CDK5RAP2: variants seen among roughly 807,000 people sequenced by gnomAD.
CDK5RAP2 encodes the protein CDK5 regulatory subunit-associated protein 2.
In CDK5RAP2, 147 loss-of-function variants were observed where a neutral mutation model predicts 232.9. The ratio of observed to expected loss-of-function variants is 0.63; its 90% CI spans 0.55 to 0.72. The LOEUF (loss-of-function observed/expected upper bound fraction) is 0.72. CDK5RAP2 is among the 30% of genes least tolerant of loss of function. CDK5RAP2 has a pLI of 0.00. For synonymous variants in CDK5RAP2, 833 were observed against 833.7 expected, an observed-to-expected ratio of 1.00 and a Z score of 0.01; for missense variants, 2,195 against 2,231.5, an observed-to-expected ratio of 0.98 and a Z score of 0.33.
Position 120,404,888 on chromosome 9 carries a change from C to CATATA in CDK5RAP2, c.4964-776_4964-775insTATAT, listed in dbSNP as rs574929956. On this transcript the variant is annotated intron_variant, in intron 32 of 37. Coordinates refer to ENST00000349780, the MANE Select transcript of CDK5RAP2 (RefSeq NM_018249.6). ...CGTTATAATTTGGAAAGCACTTTCACATATGAAAAGCTATTGGACTCAATA... is the reference window on the plus strand; with the variant it reads ...CGTTATAATTTGGAAAGCACTTTCACATATAATATGAAAAGCTATTGGACTCAATA... Among the ~76,000 whole-genome samples the CATATA allele has an allele frequency of 1.7e-3, 259 of 152,328 alleles. 1 individual carries two copies. Among genetic ancestry groups the CATATA allele is most frequent in the Middle Eastern group, 0.01 (3 of 294 alleles).
chr9:120,472,224 G>A (rs960152907), intron 15 of CDK5RAP2, among the ~76,000 whole-genome samples: 1 of 152,074 alleles, frequency 6.6e-6, no homozygotes, highest in African/African-American at 2.4e-5. Context: ...CATTTTTAAT[G>A]ACTATATAAT....
chr9:120,494,270 ACAC>A (rs1350592972), intron 12 of CDK5RAP2, among the ~76,000 whole-genome samples: 1 of 152,170 alleles, frequency 6.6e-6, no homozygotes, highest in Non-Finnish European at 1.5e-5. Context: ...AGAGGCAATA[ACAC>A]TCCAGTAGTA....
intron 18 of CDK5RAP2, chr9:120,460,878 A>C (rs2037051174): frequency 5.5e-6 from 4 of 732,452 alleles, no homozygotes; most frequent in Non-Finnish European, 8.6e-6. Flanking sequence ...GCCTGGATCA[A>C]GCATAATTTA....
At chr9:120,496,135 G>A (rs71398940) in intron 12 of CDK5RAP2, among the ~76,000 whole-genome samples, 6 of 100,978 alleles carry the variant, frequency 5.9e-5, no homozygotes, top group Admixed American at 1.7e-4. Flanking sequence ...CCGGCCAGCC[G>A]CCCCGTCCGG....
In CDK5RAP2 at chr9:120,486,976, C is replaced by A. The variant is rs73660260; in HGVS notation, c.1626+318G>T. Among the ~76,000 whole-genome samples the A allele has an allele frequency of 5.0e-3, 761 of 152,208 alleles. 9 individuals carry two copies. Among genetic ancestry groups the A allele is most frequent in the African/African-American group, 0.018 (731 of 41,514 alleles). On this transcript the variant is annotated intron_variant, in intron 14 of 37. Transcript: ENST00000349780. ...GAAGGGCCTGCTGTGCCATTTTCTG[C>A]GTGAATTTAAATAGGAACACTTACG...
intron 18 of CDK5RAP2, among the ~76,000 whole-genome samples, chr9:120,461,937 T>C (rs2037114752): frequency 6.6e-6 from 1 of 152,248 alleles, no homozygotes; most frequent in African/African-American, 2.4e-5. Flanking sequence ...GTGAGATACC[T>C]ACGGTTCTAG....
chr9:120,566,327 C>T (rs1484860213), intron 3 of CDK5RAP2, among the ~76,000 whole-genome samples: 1 of 152,146 alleles, frequency 6.6e-6, no homozygotes, highest in African/African-American at 2.4e-5. Context: ...GCAGAATTTG[C>T]TCTTGAAAAT....
chr9:120,541,477 T>C (rs1268514909), intron 5 of CDK5RAP2, among the ~76,000 whole-genome samples: 2 of 152,242 alleles, frequency 1.3e-5, no homozygotes, highest in East Asian at 3.8e-4. Flanking sequence ...TACTCAGTAG[T>C]ATGGTACAAT....
rs1377655305 is a variant in CDK5RAP2, at chr9:120,411,438, T to C, written c.4334A>G (p.His1445Arg). Residue 1445 changes from histidine (H) to arginine (R), a missense_variant, in exon 29 of 38, where the codon CAT becomes CGT. His to Arg is a conservative substitution (Grantham distance 29). Coordinates refer to ENST00000349780, the MANE Select transcript of CDK5RAP2 (RefSeq NM_018249.6). The part of the protein sequence containing the change: ...TSIFASGSEL[H>R]SSLTSEIHFL... The stretch of plus-strand genomic sequence containing the variant: ...ATGAATTTCTGATGTTAGAGAACTA[T>C]GAAGCTCTGAACCAGAAGCAAAAAT... 2 of 1,613,024 alleles carry C rather than the reference T, an allele frequency of 1.2e-6. No individual in the cohort carries two copies. Among genetic ancestry groups the C allele is most frequent in the Non-Finnish European group, 8.5e-7 (1 of 1,179,100 alleles).
At chr9:120,452,238 G>GTCTCTCAGTC (rs375040868) in intron 21 of CDK5RAP2, among the ~76,000 whole-genome samples, 2 of 142,858 alleles carry the variant, frequency 1.4e-5, no homozygotes, top group Non-Finnish European at 3.1e-5. Flanking sequence ...TATAATGGCA[G>GTCTCTCAGTC]TCTCTCTCTC....
intron 6 of CDK5RAP2, among the ~76,000 whole-genome samples, chr9:120,536,816 A>T (rs540334564): frequency 1.2e-4 from 18 of 152,318 alleles, no homozygotes; most frequent in Admixed American, 6.5e-4. Flanking sequence ...AAGAAGAACA[A>T]GAAGAAATGC....
chr9:120,575,345 G>A (rs1389190982), intron 1 of CDK5RAP2, among the ~76,000 whole-genome samples: 3 of 152,122 alleles, frequency 2.0e-5, no homozygotes, highest in South Asian at 2.1e-4. Flanking sequence ...GAGCCACCGC[G>A]CCCAGCTGTA....
At chr9:120,410,389 C>T (rs1240652633) in intron 29 of CDK5RAP2, among the ~76,000 whole-genome samples, 2 of 152,176 alleles carry the variant, frequency 1.3e-5, no homozygotes, top group Non-Finnish European at 2.9e-5. Flanking sequence ...TCTCAATCTT[C>T]AGCACCTTCG....
At chr9:120,563,771 G>A (rs2042545602) in intron 3 of CDK5RAP2, among the ~76,000 whole-genome samples, 1 of 152,162 alleles carries the variant, frequency 6.6e-6, no homozygotes, top group Non-Finnish European at 1.5e-5. Flanking sequence ...GAAGGTGAGG[G>A]AGCTATGATC....
Position 120,561,625 on chromosome 9 carries a change from T to A in CDK5RAP2, c.195+6696A>T, listed in dbSNP as rs145019933. ...TCAATAACAGAAATTTAAAACTGAATCTCAAACACCAGTTGGAATTTAACT... is the reference window on the plus strand; with the variant it reads ...TCAATAACAGAAATTTAAAACTGAAACTCAAACACCAGTTGGAATTTAACT... On this transcript the variant is annotated intron_variant, in intron 3 of 37. Coordinates refer to ENST00000349780, the MANE Select transcript of CDK5RAP2 (RefSeq NM_018249.6). 2.3e-3 allele frequency among the ~76,000 whole-genome samples: 349 copies of A among 149,592 alleles called. 2 individuals are homozygous for A. Among genetic ancestry groups the A allele is most frequent in the African/African-American group, 8.2e-3 (333 of 40,858 alleles).
At chr9:120,451,944 C>T (rs2131395340) in intron 21 of CDK5RAP2, among the ~76,000 whole-genome samples, 1 of 149,484 alleles carries the variant, frequency 6.7e-6, no homozygotes, top group Admixed American at 6.7e-5. Flanking sequence ...TAATAATAAA[C>T]AAATACGGTT....
chr9:120,407,523 A>G lies in CDK5RAP2; in HGVS notation c.4727-275T>C. The G allele has an allele frequency of 1.7e-5, 8 of 484,292 alleles. No individual in the cohort carries two copies. The South Asian group carries it at 1.7e-4, about 11-fold the overall frequency. The allele number at this position is 484,292 out of a possible 1,614,324, so 30.0% of individuals were successfully genotyped here. ...CACACCAAACCCCGAAATTATGTCT[A>G]GTAGTAATAAAATCTATTTGGGCTA... is the stretch of plus-strand genomic sequence containing the variant. On this transcript the variant is annotated intron_variant, in intron 31 of 37. Transcript: ENST00000349780.
At position 120,407,221 on chromosome 9, in the gene CDK5RAP2, T is replaced by C. The variant is rs1303766890; in HGVS notation, c.4754A>G (p.Gln1585Arg). The change falls in exon 32 of 38, where the codon CAG becomes CGG. Residue 1585 changes from glutamine (Q) to arginine (R), a missense_variant. Physicochemically the swap from Gln to Arg is conservative, Grantham distance 43. Coordinates refer to ENST00000349780, the MANE Select transcript of CDK5RAP2 (RefSeq NM_018249.6). ...GCTGTGCAGGTCCCTGAAAGGATCC[T>C]GCCCCTTCCAGCCTTCTCCCGACGC... Reference protein sequence around the residue: ...REASGEGWKGQDPFRDLHSLL... With the variant: ...REASGEGWKGRDPFRDLHSLL... The C allele has an allele frequency of 6.2e-7, 1 of 1,613,390 alleles. No homozygotes were observed. The highest frequency in any genetic ancestry group is 1.1e-5 in the South Asian group (1 of 91,088).
In CDK5RAP2 at chr9:120,447,940, C is replaced by T. The variant is rs1564231092; in HGVS notation, c.2980G>A (p.Ala994Thr). 2.5e-6 allele frequency: 4 copies of T among 1,614,220 alleles called. No homozygotes were observed. Among genetic ancestry groups the T allele is most frequent in the Non-Finnish European group, 3.4e-6 (4 of 1,180,032 alleles). The stretch of plus-strand genomic sequence containing the variant: ...GGCGTTGGCCTCCCCTCCATCACTG[C>T]TTCAGCCAGAATTAACTTTTGGTGA... ...QLHQKLILAEAVMEGRPTPDK... is the reference protein window; with the variant it reads ...QLHQKLILAETVMEGRPTPDK... The change falls in exon 22 of 38, where the codon GCA (alanine) becomes ACA (threonine). Residue 994 changes from alanine to threonine, a missense_variant. Physicochemically the swap from Ala to Thr is moderately conservative, Grantham distance 58. Coordinates refer to ENST00000349780, the MANE Select transcript of CDK5RAP2 (RefSeq NM_018249.6).
Sources: gnomAD v4.1 joint callset for allele counts (sites outside exome capture counted in the v4.1 genomes callset) on GRCh38, gnomAD v4.1.1 for gene constraint, MANE v1.5 for transcripts, NCBI Gene and HGNC (gene_info 2026-07-23, HGNC 2026-07-21) for gene names.